ARL14EP: variants seen among roughly 807,000 people sequenced by gnomAD.
ARL14EP encodes ARL14 effector protein.
A neutral mutation model predicts 23.1 loss-of-function variants in ARL14EP; 12 were observed. The ratio of observed to expected loss-of-function variants is 0.52; its 90% CI spans 0.33 to 0.84. The LOEUF is 0.84. Among genes scored for constraint, ARL14EP ranks in the 40% least tolerant of loss-of-function variants. ARL14EP has a pLI of 0.02. For synonymous variants in ARL14EP, 97 were observed against 102.0 expected, an observed-to-expected ratio of 0.95 and a Z score of 0.29; for missense variants, 253 against 307.3, an observed-to-expected ratio of 0.82 and a Z score of 1.32.
intron 2 of ARL14EP, among the ~76,000 whole-genome samples, 197 bp from the exon 3 acceptor site, chr11:30,332,669 C>A (rs1947294974): frequency 6.6e-6 from 1 of 152,120 alleles, no homozygotes; most frequent in Non-Finnish European, 1.5e-5. Context: ...GTTACTAATA[C>A]ATTAACCAAT....
Position 30,336,855 on chromosome 11 carries a change from A to G in ARL14EP, c.*60A>G. On this transcript the variant is annotated 3_prime_UTR_variant, in exon 4 of 4. Transcript: ENST00000282032. ...TTTATTTCTAAAAATCTGTTACTCT[A>G]AGATACATTTTAAGCTTGATTATCA... 1 of 1,424,654 alleles carries G rather than the reference A, an allele frequency of 7.0e-7. No homozygotes were observed. The allele number at this position is 1,424,654 out of a possible 1,614,324, so 88.3% of individuals were successfully genotyped here. A position where few individuals can be genotyped will look rare whatever the true frequency, so the allele number is the denominator to read the frequency against.
Position 30,336,770 on chromosome 11 carries a change from T to C in ARL14EP, c.758T>C (p.Ile253Thr), listed in dbSNP as rs1430376168. The C allele has an allele frequency of 3.7e-6, 6 of 1,613,910 alleles. No homozygotes were observed. Among genetic ancestry groups the C allele is most frequent in the African/African-American group, 2.7e-5 (2 of 74,894 alleles). Residue 253 changes from isoleucine (I) to threonine (T), a missense_variant, in exon 4 of 4, where the codon ATA (isoleucine) becomes ACA (threonine). Ile to Thr is a moderately conservative substitution (Grantham distance 89). Transcript: ENST00000282032. ...YEQIEIEGGE[I>T]IHNKHAG ...CAAATTGAAATTGAAGGAGGAGAAA[T>C]AATTCATAATAAACATGCTGGATAA...
intron 1 of ARL14EP, among the ~76,000 whole-genome samples, chr11:30,325,463 G>T (rs1947229539): frequency 6.6e-6 from 1 of 152,160 alleles, no homozygotes; most frequent in Non-Finnish European, 1.5e-5. Flanking sequence ...TAAGGAGCCA[G>T]CACAGGGCTC....
intron 1 of ARL14EP, among the ~76,000 whole-genome samples, chr11:30,327,403 G>T (rs190129917): frequency 1.6e-4 from 24 of 152,282 alleles, no homozygotes; most frequent in African/African-American, 5.8e-4. Context: ...GGGTAAAAAT[G>T]TATTATTACT....
At chr11:30,336,485 CCT>C (rs149772521) in intron 3 of ARL14EP, 80 bp from the exon 4 acceptor site, 255,380 of 1,216,964 alleles carry the variant, frequency 0.21, 18,458 homozygotes, top group East Asian at 0.51. Flanking sequence ...TATTTTATCT[CCT>C]TTTTTTTTTT....
chr11:30,325,164 T>C (rs1947227573), intron 1 of ARL14EP, among the ~76,000 whole-genome samples: 1 of 152,088 alleles, frequency 6.6e-6, no homozygotes, highest in African/African-American at 2.4e-5. Context: ...GATATAAGGG[T>C]GGCTTGATCT....
chr11:30,333,243 T>A (rs1322831746), intron 3 of ARL14EP, among the ~76,000 whole-genome samples: 1 of 152,228 alleles, frequency 6.6e-6, no homozygotes, highest in Non-Finnish European at 1.5e-5. Context: ...GTTAAAATAA[T>A]TACAATTAAA....
intron 3 of ARL14EP, among the ~76,000 whole-genome samples, chr11:30,334,440 T>C (rs1443449994): frequency 1.3e-5 from 2 of 152,058 alleles, no homozygotes; most frequent in Non-Finnish European, 2.9e-5. Flanking sequence ...GGTCTCGATC[T>C]CCTGCCCTCG....
intron 3 of ARL14EP, among the ~76,000 whole-genome samples, chr11:30,333,590 A>C (rs1947303800): frequency 1.3e-5 from 2 of 152,148 alleles, no homozygotes; most frequent in Admixed American, 6.5e-5. Flanking sequence ...GGGTGTTCTT[A>C]CTGCTCCACC....
intron 1 of ARL14EP, among the ~76,000 whole-genome samples, chr11:30,324,224 T>C (rs1194542727): frequency 2.0e-5 from 3 of 152,222 alleles, no homozygotes; most frequent in African/African-American, 7.2e-5. Flanking sequence ...GTGTAAGTTG[T>C]AAGACCCTAT....
intron 3 of ARL14EP, 40 bp from the exon 4 acceptor site, chr11:30,336,527 C>G (rs1554954850): frequency 1.4e-6 from 2 of 1,430,462 alleles, no homozygotes; most frequent in Admixed American, 3.6e-5. Context: ...TCAAAAATAA[C>G]ATATTTATGA....
At chr11:30,329,409 G>T (rs78401555) in intron 1 of ARL14EP, 5 of 152,028 alleles carry the variant, frequency 3.3e-5, no homozygotes, top group African/African-American at 4.8e-5. Context: ...GAAAGTTTTC[G>T]TATATAACTT....
intron 1 of ARL14EP, chr11:30,329,091 C>T (rs1947263311): frequency 6.6e-6 from 1 of 151,936 alleles, no homozygotes; most frequent in African/African-American, 2.4e-5. Flanking sequence ...ATGTTTTTTC[C>T]CCTCAGAAGT....
At chr11:30,329,592 C>T (rs1343269226) in intron 1 of ARL14EP, 1 of 152,172 alleles carries the variant, frequency 6.6e-6, no homozygotes, top group Non-Finnish European at 1.5e-5. Flanking sequence ...GAGTTGGACA[C>T]ATCTTAACCA....
At chr11:30,334,406 G>A (rs924173858) in intron 3 of ARL14EP, among the ~76,000 whole-genome samples, 1 of 151,554 alleles carries the variant, frequency 6.6e-6, no homozygotes, top group Non-Finnish European at 1.5e-5. Flanking sequence ...TAGTAGAGAC[G>A]GGTTTCACCA....
At chr11:30,336,009 G>A (rs2133655082) in intron 3 of ARL14EP, among the ~76,000 whole-genome samples, 1 of 152,174 alleles carries the variant, frequency 6.6e-6, no homozygotes. Context: ...TTTAGAATAT[G>A]ACTCTAAAAC....
chr11:30,335,817 G>A (rs1947327443), intron 3 of ARL14EP, among the ~76,000 whole-genome samples: 1 of 151,900 alleles, frequency 6.6e-6, no homozygotes, highest in South Asian at 2.1e-4. Context: ...TTTATTGGGG[G>A]TGGTCTGGAA....
intron 2 of ARL14EP, among the ~76,000 whole-genome samples, chr11:30,332,178 T>C (rs1765139): frequency 0.18 from 27,648 of 151,704 alleles, 2,652 homozygotes; most frequent in East Asian, 0.23. Context: ...TTCTCCTTTT[T>C]ATTAAACCAA....
chr11:30,336,702 G>A lies in ARL14EP; in HGVS notation c.690G>A (p.Lys230=), dbSNP rs779063710. ...FYACPACGST[K]CGAECRCDRK... ...CTTGTCCTGCCTGTGGTTCTACCAA[G>A]TGTGGAGCTGAATGCCGCTGTGACC... Residue 230 remains lysine (K), a synonymous_variant, in exon 4 of 4, where the codon AAG becomes AAA. Coordinates refer to ENST00000282032, the MANE Select transcript of ARL14EP (RefSeq NM_152316.3). 3 of 1,614,060 alleles carry A rather than the reference G, an allele frequency of 1.9e-6. No individual in the cohort carries two copies. The highest frequency in any genetic ancestry group is 2.5e-6 in the Non-Finnish European group (3 of 1,180,046).
Sources: allele counts gnomAD v4.1 joint callset (sites outside exome capture counted in the v4.1 genomes callset), GRCh38; gene constraint gnomAD v4.1.1; transcripts MANE v1.5; gene names NCBI Gene and HGNC (gene_info 2026-07-23, HGNC 2026-07-21).